Variants in ALDH5A1 observed in about 807,000 individuals in gnomAD.
ALDH5A1 encodes the protein aldehyde dehydrogenase 5 family member A1.
In ALDH5A1, 33 loss-of-function variants were observed where a neutral mutation model predicts 54.7. That is an observed-to-expected ratio of 0.60 (90% confidence interval 0.46 to 0.81). ALDH5A1 has a LOEUF of 0.81. Among genes scored for constraint, ALDH5A1 ranks in the 30% least tolerant of loss-of-function variants. The pLI is 0.00. For synonymous variants in ALDH5A1, 294 were observed against 292.7 expected, an observed-to-expected ratio of 1.00 and a Z score of -0.05; for missense variants, 657 against 711.0, an observed-to-expected ratio of 0.92 and a Z score of 0.86.
intron 4 of ALDH5A1, among the ~76,000 whole-genome samples, chr6:24,510,565 T>C (rs896783860): frequency 1.3e-5 from 2 of 152,244 alleles, no homozygotes; most frequent in South Asian, 2.1e-4. Flanking sequence ...TGTCCCTCTC[T>C]GTCTTTTTTA....
chr6:24,526,923 A>ATATC lies in ALDH5A1; in HGVS notation c.1174-1071_1174-1068dup, dbSNP rs1232831313. Among the ~76,000 whole-genome samples, 480 of 129,434 alleles carry ATATC rather than the reference A, an allele frequency of 3.7e-3. 6 individuals are homozygous for ATATC. The highest frequency in any genetic ancestry group is 6.3e-3 in the South Asian group (28 of 4,410). The allele number at this position is 129,434 out of a possible 152,430, so 84.9% of individuals were successfully genotyped here. On this transcript the variant is annotated intron_variant, in intron 7 of 9. Coordinates refer to ENST00000357578, the MANE Select transcript of ALDH5A1 (RefSeq NM_001080.3). ...TATCTACTATATATATATTCTATAT[A>ATATC]TATCTACTATATATTCTATATATAT...
At position 24,520,605 on chromosome 6, in the gene ALDH5A1, G is replaced by A. The variant is rs1581818647; in HGVS notation, c.1014+61G>A. On this transcript the variant is annotated intron_variant, in intron 6 of 9. Coordinates refer to ENST00000357578, the MANE Select transcript of ALDH5A1 (RefSeq NM_001080.3). ...CGTGTGCATGTGTGAGTGTGTGTAT[G>A]TGTGTGTGTGTGATATGTGTGCATG... 7.2e-7 allele frequency: 1 copy of A among 1,383,694 alleles called. No individual in the cohort carries two copies. Among genetic ancestry groups the A allele is most frequent in the African/African-American group, 2.3e-5 (1 of 43,202 alleles). 85.7% of individuals were successfully genotyped at this position (1,383,694 alleles called of 1,614,324 possible). A position where few individuals can be genotyped will look rare whatever the true frequency, so the allele number is the denominator to read the frequency against.
Position 24,536,372 on chromosome 6 carries a change from C to G in ALDH5A1, c.*2660C>G, listed in dbSNP as rs920467646. The G allele has an allele frequency of 1.3e-5, 2 of 152,136 alleles. No individual in the cohort carries two copies. The highest frequency in any genetic ancestry group is 4.8e-5 in the African/African-American group (2 of 41,428). The allele number at this position is 152,136 out of a possible 1,614,324, so 9.4% of individuals were successfully genotyped here. ...AAATTCAGATTTCAGTGTCCATAAA[C>G]AAAATGTTATTAGAGCATAGCCACA... On this transcript the variant is annotated 3_prime_UTR_variant, in exon 10 of 10. Transcript: ENST00000357578.
chr6:24,522,165 C>G (rs933951041), intron 6 of ALDH5A1, among the ~76,000 whole-genome samples: 27 of 152,118 alleles, frequency 1.8e-4, no homozygotes, highest in African/African-American at 6.0e-4. Context: ...TAAAAATTAG[C>G]TGGGCATGGT....
intron 4 of ALDH5A1, among the ~76,000 whole-genome samples, chr6:24,506,974 G>A (rs1400974226): frequency 1.3e-5 from 2 of 152,194 alleles, no homozygotes; most frequent in African/African-American, 4.8e-5. Flanking sequence ...ATCTGGTCCA[G>A]GATATCCCAT....
At chr6:24,513,230 T>C (rs544764514) in intron 4 of ALDH5A1, among the ~76,000 whole-genome samples, 7 of 152,112 alleles carry the variant, frequency 4.6e-5, no homozygotes. Context: ...CAGCTAATTT[T>C]GTTTTTTATT....
intron 5 of ALDH5A1, among the ~76,000 whole-genome samples, chr6:24,516,795 C>G (rs1759583944): frequency 6.6e-6 from 1 of 151,994 alleles, no homozygotes; most frequent in East Asian, 1.9e-4. Flanking sequence ...TAGTGGCACA[C>G]ACATGTAGTC....
chr6:24,501,677 C>A (rs1337600401), intron 1 of ALDH5A1, among the ~76,000 whole-genome samples: 1 of 152,094 alleles, frequency 6.6e-6, no homozygotes, highest in Non-Finnish European at 1.5e-5. Context: ...CACCACTGCA[C>A]TTCAGCCTGG....
At chr6:24,522,624 C>A in intron 6 of ALDH5A1, 143 bp from the exon 7 acceptor site, 2 of 945,056 alleles carry the variant, frequency 2.1e-6, no homozygotes, top group Non-Finnish European at 1.7e-6. Context: ...GCCAAGCCCA[C>A]GTGAGGAGGA....
At position 24,535,180 on chromosome 6, in the gene ALDH5A1, T is replaced by G. The variant is rs1248472365; in HGVS notation, c.*1468T>G. The G allele has an allele frequency of 1.3e-5, 2 of 152,204 alleles. No homozygotes were observed. Among genetic ancestry groups the G allele is most frequent in the Non-Finnish European group, 2.9e-5 (2 of 68,062 alleles). The allele number at this position is 152,204 out of a possible 1,614,324, so 9.4% of individuals were successfully genotyped here. On this transcript the variant is annotated 3_prime_UTR_variant, in exon 10 of 10. Coordinates refer to ENST00000357578, the MANE Select transcript of ALDH5A1 (RefSeq NM_001080.3). ...GGAAGGAAAATGTGAATGAAAGTAG[T>G]GCTGGATGCAATTACTCCTGAACCC...
chr6:24,508,088 G>C (rs1198710793), intron 4 of ALDH5A1, among the ~76,000 whole-genome samples: 1 of 151,994 alleles, frequency 6.6e-6, no homozygotes, highest in Admixed American at 6.6e-5. Context: ...CTCCAGGCCA[G>C]GCGCGGTGGC....
In ALDH5A1 at chr6:24,495,067, T is replaced by G; in HGVS notation, c.71T>G (p.Leu24Arg). ...GGGTCGACGTTTCCAGGCTGCCGCC[T>G]CCGCCCCCGCGCCGGCGGCCTGGTC... is the stretch of plus-strand genomic sequence containing the variant. ...RLGSTFPGCR[L>R]RPRAGGLVPA... Residue 24 changes from leucine to arginine, a missense_variant, in exon 1 of 10, where the codon CTC becomes CGC. Leu to Arg is a moderately radical substitution (Grantham distance 102). Coordinates refer to ENST00000357578, the MANE Select transcript of ALDH5A1 (RefSeq NM_001080.3). 2.2e-6 allele frequency: 3 copies of G among 1,334,692 alleles called. No individual in the cohort carries two copies. Among genetic ancestry groups the G allele is most frequent in the Non-Finnish European group, 2.9e-6 (3 of 1,044,598 alleles). 82.7% of individuals were successfully genotyped at this position (1,334,692 alleles called of 1,614,324 possible). A position where few individuals can be genotyped will look rare whatever the true frequency, so the allele number is the denominator to read the frequency against.
chr6:24,495,242 C>G lies in ALDH5A1; in HGVS notation c.246C>G (p.Ala82=), dbSNP rs1366863787. ...AAATFPVQDP[A]SGAALGMVAD... ...CCACCTTCCCCGTGCAAGACCCGGC[C>G]AGCGGCGCCGCTCTGGGCATGGTAG... Residue 82 remains alanine, a synonymous_variant, in exon 1 of 10, where the codon GCC becomes GCG. Coordinates refer to ENST00000357578, the MANE Select transcript of ALDH5A1 (RefSeq NM_001080.3). 2 of 1,524,778 alleles carry G rather than the reference C, an allele frequency of 1.3e-6. No homozygotes were observed. The highest frequency in any genetic ancestry group is 4.0e-5 in the Admixed American group (2 of 50,422). The allele number at this position is 1,524,778 out of a possible 1,614,324, so 94.5% of individuals were successfully genotyped here.
chr6:24,526,974 G>GTGTATA (rs1410523920), intron 7 of ALDH5A1, among the ~76,000 whole-genome samples: 22 of 30,606 alleles, frequency 7.2e-4, no homozygotes, highest in African/African-American at 1.9e-3. Context: ...ATGTGTGTGT[G>GTGTATA]TATATATATA....
At chr6:24,522,665 G>A (rs768535477) in intron 6 of ALDH5A1, 102 bp from the exon 7 acceptor site, 23 of 1,400,594 alleles carry the variant, frequency 1.6e-5, no homozygotes, top group South Asian at 2.3e-5. Flanking sequence ...GACAACCACC[G>A]AGGGAAGTGT....
At position 24,526,899 on chromosome 6, in the gene ALDH5A1, A is replaced by ATATCT. The variant is rs1269439120; in HGVS notation, c.1174-1097_1174-1096insATCTT. On this transcript the variant is annotated intron_variant, in intron 7 of 9. Transcript: ENST00000357578. ...TTCTATATATATATTCTATATATAT[A>ATATCT]TCTACTATATATATATTCTATATAT... 8.7e-3 allele frequency among the ~76,000 whole-genome samples: 663 copies of ATATCT among 76,276 alleles called. 18 individuals are homozygous for ATATCT. The highest frequency in any genetic ancestry group is 0.019 in the African/African-American group (549 of 29,200). The allele number at this position is 76,276 out of a possible 152,430, so 50.0% of individuals were successfully genotyped here.
At chr6:24,528,270 G>A in intron 8 of ALDH5A1, 104 bp downstream of exon 8, 1 of 1,388,106 alleles carries the variant, frequency 7.2e-7, no homozygotes, top group Non-Finnish European at 1.0e-6. Flanking sequence ...CCAGGAGGCA[G>A]ACAGTTGTGT....
chr6:24,522,866 A>G lies in ALDH5A1; in HGVS notation c.1114A>G (p.Asn372Asp), dbSNP rs200308698. 13 of 1,614,156 alleles carry G rather than the reference A, an allele frequency of 8.1e-6. No homozygotes were observed. The East Asian group carries it at 2.9e-4, about 36-fold the overall frequency. ...EAMKKNLRVG[N>D]GFEEGTTQGP... ...CATGAAGAAGAACCTGCGCGTAGGT[A>G]ATGGATTTGAGGAAGGAACTACTCA... The change falls in exon 7 of 10, where the codon AAT becomes GAT. Residue 372 changes from asparagine to aspartate, a missense_variant. Around this residue, in one of 2 missense-constraint regions of ALDH5A1, gnomAD observed 425 missense variants for 516.4 expected, o/e 0.82. Coordinates refer to ENST00000357578, the MANE Select transcript of ALDH5A1 (RefSeq NM_001080.3).
chr6:24,518,365 C>T lies in ALDH5A1; in HGVS notation c.871-2036C>T, dbSNP rs1011033028. 2.6e-5 allele frequency among the ~76,000 whole-genome samples: 4 copies of T among 152,068 alleles called. No individual in the cohort carries two copies. The highest frequency in any genetic ancestry group is 6.6e-5 in the Admixed American group (1 of 15,266). On this transcript the variant is annotated intron_variant, in intron 5 of 9. Coordinates refer to ENST00000357578, the MANE Select transcript of ALDH5A1 (RefSeq NM_001080.3). This position sits in a 1 kb window ranked among gnomAD's most constrained non-coding sequence, Gnocchi z 4.2. ...ACTATACCCAGTGGCCAGGGCAAGC[C>T]GCCTTCCTGGAGAAGCAGAGACTGA...
Sources: allele counts gnomAD v4.1 joint callset (sites outside exome capture counted in the v4.1 genomes callset), GRCh38; gene constraint gnomAD v4.1.1; regional missense constraint gnomAD v4.1.1; non-coding constraint Gnocchi (gnomAD v3.1); transcripts MANE v1.5; gene names NCBI Gene and HGNC (gene_info 2026-07-23, HGNC 2026-07-21).